Variants in BICRA observed in about 807,000 individuals in gnomAD.
BICRA encodes the protein BRD4 interacting chromatin remodeling complex associated protein.
In BICRA, 31 loss-of-function variants were observed where a neutral mutation model predicts 96.9. The ratio of observed to expected loss-of-function variants is 0.32; its 90% CI spans 0.24 to 0.43. The LOEUF is 0.43. Among genes scored for constraint, BICRA ranks in the 20% least tolerant of loss-of-function variants. BICRA has a pLI of 1.00. For synonymous variants in BICRA, 1,350 were observed against 1,071.8 expected, an observed-to-expected ratio of 1.26 and a Z score of -5.07; for missense variants, 2,283 against 2,190.3, an observed-to-expected ratio of 1.04 and a Z score of -0.84.
chr19:47,619,132 G>C (rs12985134), intron 1 of BICRA, among the ~76,000 whole-genome samples: 1 of 151,892 alleles, frequency 6.6e-6, no homozygotes, highest in African/African-American at 2.4e-5. Flanking sequence ...TAGAACGTGC[G>C]CGGTGATCTC....
chr19:47,693,662 G>A (rs1313751627), intron 7 of BICRA, among the ~76,000 whole-genome samples: 4 of 152,164 alleles, frequency 2.6e-5, no homozygotes, highest in Non-Finnish European at 5.9e-5. Context: ...CGGCTGGGAC[G>A]CTGCCCTGCC....
chr19:47,635,008 C>T (rs542253097), intron 1 of BICRA, among the ~76,000 whole-genome samples: 47 of 152,160 alleles, frequency 3.1e-4, no homozygotes, highest in African/African-American at 9.9e-4. Context: ...GTTATCCGCC[C>T]GCCTTGGCCT....
Position 47,680,155 on chromosome 19 carries a change from C to T in BICRA, c.985C>T (p.Pro329Ser), listed in dbSNP as rs1488202419. ...CTCGGGACAGCCGCTGGCGGTGGCC[C>T]CAGGCCTCGGCTCGTCGCCACTGGT... is the stretch of plus-strand genomic sequence containing the variant. ...TPSGQPLAVA[P>S]GLGSSPLVPA... Residue 329 changes from proline (P) to serine (S), a missense_variant, in exon 6 of 15, where the codon CCA becomes TCA. Coordinates refer to ENST00000594866, the MANE Select transcript of BICRA (RefSeq NM_001394372.1). The T allele has an allele frequency of 2.0e-6, 3 of 1,530,968 alleles. No homozygotes were observed. The highest frequency in any genetic ancestry group is 2.8e-5 in the African/African-American group (2 of 71,752). The allele number at this position is 1,530,968 out of a possible 1,614,324, so 94.8% of individuals were successfully genotyped here. A position where few individuals can be genotyped will look rare whatever the true frequency, so the allele number is the denominator to read the frequency against.
chr19:47,696,692 C>G (rs1973348658), intron 11 of BICRA, among the ~76,000 whole-genome samples, 180 bp downstream of exon 11: 1 of 152,184 alleles, frequency 6.6e-6, no homozygotes, highest in Non-Finnish European at 1.5e-5. Context: ...AATGGGGTGA[C>G]CAGAGAGTGG....
Position 47,698,586 on chromosome 19 carries a change from T to TACCCCCCCCCCCCC in BICRA, c.3249-48_3249-47insACCCCCCCCCCCCC. On this transcript the variant is annotated intron_variant, in intron 11 of 14. Coordinates refer to ENST00000594866, the MANE Select transcript of BICRA (RefSeq NM_001394372.1). The surrounding 1 kb of genome is among the most constrained non-coding windows in gnomAD (Gnocchi z 4.8). ...AGGGACTTCCCCTGGCCCTCACCCGTCCCCCCCACCCTCCGCCGTGTGTGG... is the reference window on the plus strand; with the variant it reads ...AGGGACTTCCCCTGGCCCTCACCCGTACCCCCCCCCCCCCCCCCCCCACCCTCCGCCGTGTGTGG... 1 of 716,712 alleles carries TACCCCCCCCCCCCC rather than the reference T, an allele frequency of 1.4e-6. No individual in the cohort carries two copies. Among genetic ancestry groups the TACCCCCCCCCCCCC allele is most frequent in the Non-Finnish European group, 2.5e-6 (1 of 392,848 alleles). The allele number at this position is 716,712 out of a possible 1,614,324, so 44.4% of individuals were successfully genotyped here. A position where few individuals can be genotyped will look rare whatever the true frequency, so the allele number is the denominator to read the frequency against.
upstream of BICRA, chr19:47,608,246 C>G (rs1971838780): frequency 6.6e-6 from 1 of 152,280 alleles, no homozygotes. Context: ...CGACCCGCCT[C>G]CCCGGCGCCG....
rs1217651817 is a variant in BICRA, at chr19:47,699,168, G to A, written c.3492+109G>A. The A allele has an allele frequency of 7.4e-6, 7 of 948,954 alleles. No homozygotes were observed. The highest frequency in any genetic ancestry group is 2.1e-4 in the Middle Eastern group (1 of 4,832). The allele number at this position is 948,954 out of a possible 1,614,324, so 58.8% of individuals were successfully genotyped here. On this transcript the variant is annotated intron_variant, in intron 13 of 14. Coordinates refer to ENST00000594866, the MANE Select transcript of BICRA (RefSeq NM_001394372.1). The surrounding 1 kb of genome is among the most constrained non-coding windows in gnomAD (Gnocchi z 5.0). ...GGAGCCTCCCGCCCCTCCTAGCCCCGGGAGGGAGGTTGGGAGGGAGGCGGG... is the reference window on the plus strand; with the variant it reads ...GGAGCCTCCCGCCCCTCCTAGCCCCAGGAGGGAGGTTGGGAGGGAGGCGGG...
rs760774619 is a variant in BICRA at position 47,702,319 on chromosome 19, C to A, written c.4587C>A (p.Ala1529=). Residue 1529 remains alanine (A), a synonymous_variant, in exon 15 of 15, where the codon GCC becomes GCA. Coordinates refer to ENST00000594866, the MANE Select transcript of BICRA (RefSeq NM_001394372.1). ...CCTCGTACCCCCACGCTGCCTCGGC[C>A]GGCACCCCCGCATCCCCGCCGCCCC... The part of the protein sequence containing the change: ...PAPSYPHAAS[A]GTPASPPPLH... The A allele has an allele frequency of 1.2e-5, 18 of 1,562,510 alleles. No individual in the cohort carries two copies. Among genetic ancestry groups the A allele is most frequent in the Non-Finnish European group, 8.6e-7 (1 of 1,163,324 alleles).
chr19:47,649,542 G>C (rs1285071483), intron 1 of BICRA, among the ~76,000 whole-genome samples: 1 of 152,136 alleles, frequency 6.6e-6, no homozygotes, highest in African/African-American at 2.4e-5. Context: ...TCAATGTATT[G>C]ATTACCTGTC....
At chr19:47,619,678 A>C (rs1386801678) in intron 1 of BICRA, among the ~76,000 whole-genome samples, 2 of 152,106 alleles carry the variant, frequency 1.3e-5, no homozygotes, top group Non-Finnish European at 2.9e-5. Flanking sequence ...TGGGAGGATC[A>C]CTTGAGGCCG....
rs1220724542 is a variant in BICRA, at chr19:47,699,369, C to T, written c.3559C>T (p.Leu1187Phe). The T allele has an allele frequency of 5.1e-6, 8 of 1,567,982 alleles. No individual in the cohort carries two copies. The highest frequency in any genetic ancestry group is 1.7e-4 in the Middle Eastern group (1 of 6,032). ...RMFIQEEKTT[L>F]ALDKQLAKEK... ...GTTCATTCAGGAGGAGAAGACCACC[C>T]TTGCCTTGGATAAACAGCTGGCCAA... Residue 1187 changes from leucine to phenylalanine, a missense_variant, in exon 14 of 15, where the codon CTT becomes TTT. Transcript: ENST00000594866. The surrounding 1 kb of genome is among the most constrained non-coding windows in gnomAD (Gnocchi z 5.0).
chr19:47,701,157 A>C lies in BICRA; in HGVS notation c.3596-171A>C. The C allele has an allele frequency of 1.7e-6, 1 of 602,714 alleles. No individual in the cohort carries two copies. Among genetic ancestry groups the C allele is most frequent in the Non-Finnish European group, 2.9e-6 (1 of 339,976 alleles). The allele number at this position is 602,714 out of a possible 1,614,324, so 37.3% of individuals were successfully genotyped here. A position where few individuals can be genotyped will look rare whatever the true frequency, so the allele number is the denominator to read the frequency against. ...GCACAGTGGTTTTAGAGTTGGGGGA[A>C]TTTGGGCCTTGCTGAAGAGGGTCTC... On this transcript the variant is annotated intron_variant, in intron 14 of 14. Transcript: ENST00000594866. The surrounding 1 kb of genome is among the most constrained non-coding windows in gnomAD (Gnocchi z 5.4).
rs1273354914 is a variant in BICRA, at chr19:47,617,281, GTTT to G, written c.-108+8114_-108+8116del. ...TGAGCAACTGCACCTGGCCGTCTTTGTTTATTATTATTTTGTTTTCTTTTTTCT... is the reference window on the plus strand; with the variant it reads ...TGAGCAACTGCACCTGGCCGTCTTTGATTATTATTTTGTTTTCTTTTTTCT... On this transcript the variant is annotated intron_variant, in intron 1 of 14. Transcript: ENST00000594866. Among the ~76,000 whole-genome samples, 3 of 151,908 alleles carry G rather than the reference GTTT, an allele frequency of 2.0e-5. No homozygotes were observed. The East Asian group carries it at 5.8e-4, about 30-fold the overall frequency.
At chr19:47,650,296 T>G (rs1303401727) in intron 1 of BICRA, among the ~76,000 whole-genome samples, 2 of 152,114 alleles carry the variant, frequency 1.3e-5, no homozygotes, top group African/African-American at 4.8e-5. Context: ...CCACCCCGGC[T>G]AATTTTTTGT....
chr19:47,644,050 G>A (rs1015402453), intron 1 of BICRA, among the ~76,000 whole-genome samples: 1 of 152,102 alleles, frequency 6.6e-6, no homozygotes, highest in Non-Finnish European at 1.5e-5. Flanking sequence ...ACAGAGTCTT[G>A]CTCTCTTGCC....
chr19:47,653,832 G>GT (rs1044126175), intron 1 of BICRA, among the ~76,000 whole-genome samples: 1 of 152,106 alleles, frequency 6.6e-6, no homozygotes, highest in African/African-American at 2.4e-5. Flanking sequence ...GCCAGCCTTT[G>GT]TTTTGTTTTG....
At chr19:47,694,088 T>A in intron 7 of BICRA, 27 bp from the exon 8 acceptor site, 88 of 581,412 alleles carry the variant, frequency 1.5e-4, no homozygotes, top group East Asian at 5.4e-4. Flanking sequence ...CCCCCGCCCC[T>A]CCCCTCTCCC....
At chr19:47,649,441 C>A (rs948709974) in intron 1 of BICRA, among the ~76,000 whole-genome samples, 2 of 152,148 alleles carry the variant, frequency 1.3e-5, no homozygotes, top group Admixed American at 6.6e-5. Flanking sequence ...TATTGACAAG[C>A]AAAGGAATGT....
intron 1 of BICRA, among the ~76,000 whole-genome samples, chr19:47,610,529 C>T (rs1203900574): frequency 6.6e-6 from 1 of 152,070 alleles, no homozygotes; most frequent in Non-Finnish European, 1.5e-5. Context: ...GGTGACAGGT[C>T]CTAGCTCTCT....
Sources: allele counts gnomAD v4.1 joint callset (sites outside exome capture counted in the v4.1 genomes callset), GRCh38; gene constraint gnomAD v4.1.1; non-coding constraint Gnocchi (gnomAD v3.1); transcripts MANE v1.5; gene names NCBI Gene and HGNC (gene_info 2026-07-23, HGNC 2026-07-21).